The following PPIP5K2 variants were observed in gnomAD, a reference collection of about 807,000 sequenced individuals.
The protein encoded by PPIP5K2 is inositol hexakisphosphate and diphosphoinositol-pentakisphosphate kinase 2.
PPIP5K2 carries 105 observed loss-of-function variants against 154.6 expected under a neutral mutation model. The observed-to-expected ratio is 0.68, with a 90% CI of 0.58 to 0.80. The LOEUF (loss-of-function observed/expected upper bound fraction) is 0.80. Ranked by LOEUF, PPIP5K2 falls within the 30% of genes least tolerant of loss-of-function variation. The pLI is 0.00. For synonymous variants in PPIP5K2, 480 were observed against 490.3 expected (o/e 0.98, Z 0.28); for missense variants, 992 against 1,504.6 (o/e 0.66, Z 5.64).
chr5:103,188,926 A>G, intron 28 of PPIP5K2: 1 of 374,926 alleles, frequency 2.7e-6, no homozygotes, highest in Non-Finnish European at 4.7e-6. Flanking sequence ...TCTATTCTAC[A>G]AATATTTCTT....
At chr5:103,136,966 C>T (rs934974223) in intron 4 of PPIP5K2, 144 bp downstream of exon 4, 21 of 651,956 alleles carry the variant, frequency 3.2e-5, no homozygotes, top group South Asian at 3.9e-5. Context: ...TATTTATTAC[C>T]TAATTTTACA....
chr5:103,200,649 C>A (rs1239524483), intron 30 of PPIP5K2, among the ~76,000 whole-genome samples: 1 of 144,104 alleles, frequency 6.9e-6, no homozygotes, highest in Non-Finnish European at 1.5e-5. Flanking sequence ...TTTATTTATT[C>A]TTTTGAGACA....
chr5:103,180,283 G>A, intron 24 of PPIP5K2, 95 bp downstream of exon 24: 10 of 1,024,584 alleles, frequency 9.8e-6, no homozygotes, highest in South Asian at 5.0e-5. Context: ...GTGGAGCTTG[G>A]GAAACCAACA....
chr5:103,154,786 G>A, intron 12 of PPIP5K2, 41 bp downstream of exon 12: 1 of 1,551,236 alleles, frequency 6.4e-7, no homozygotes, highest in Non-Finnish European at 8.7e-7. Flanking sequence ...AAATTTTTTA[G>A]TGGTGAAATT....
chr5:103,189,068 A>G, intron 28 of PPIP5K2: 1 of 844,668 alleles, frequency 1.2e-6, no homozygotes, highest in Admixed American at 2.6e-5. Context: ...TTTAACACAT[A>G]TCATGGACTT....
chr5:103,180,105 T>A lies in PPIP5K2; in HGVS notation c.2839T>A (p.Leu947Met). 1 of 1,605,638 alleles carries A rather than the reference T, an allele frequency of 6.2e-7. No individual in the cohort carries two copies. The highest frequency in any genetic ancestry group is 8.5e-7 in the Non-Finnish European group (1 of 1,176,696). The change falls in exon 24 of 31, where the codon TTG becomes ATG. Residue 947 changes from leucine to methionine, a missense_variant. By Grantham distance (15) the Leu-to-Met change is conservative. This residue lies in a region of PPIP5K2 where 204 missense variants were observed against 224.0 expected (regional missense o/e 0.91). Coordinates refer to ENST00000358359, the MANE Select transcript of PPIP5K2 (RefSeq NM_001276277.3). The part of the protein sequence containing the change: ...KRDEVDRAVI[L>M]FKPMVSEPIH... ...AGATGAAGTTGATCGAGCTGTGATA[T>A]TGTTTAAACCAATGGTATCAGAGCC...
intron 7 of PPIP5K2, 147 bp downstream of exon 7, chr5:103,148,179 A>G: frequency 2.8e-6 from 2 of 705,664 alleles, no homozygotes; most frequent in East Asian, 2.8e-5. Context: ...TAACAACAAC[A>G]TCTTTAGCAG....
At chr5:103,194,693 C>T in intron 29 of PPIP5K2, 1 of 448,250 alleles carries the variant, frequency 2.2e-6, no homozygotes, top group Non-Finnish European at 4.0e-6. Flanking sequence ...TTATCATTTA[C>T]AGTATAAACA....
chr5:103,138,470 G>A lies in PPIP5K2; in HGVS notation c.487+1G>A, dbSNP rs782095362. 1.3e-6 allele frequency: 2 copies of A among 1,580,328 alleles called. No homozygotes were observed. Among genetic ancestry groups the A allele is most frequent in the Non-Finnish European group, 8.7e-7 (1 of 1,154,736 alleles). On this transcript the variant is annotated splice_donor_variant, in intron 5 of 30. Coordinates refer to ENST00000358359, the MANE Select transcript of PPIP5K2 (RefSeq NM_001276277.3). LOFTEE classifies it high-confidence loss of function. The stretch of plus-strand genomic sequence containing the variant: ...AACCGTGACCCAAATAATCCCAAAG[G>A]TAAGAGTAAGAGATTTTAGGTAAGC...
intron 3 of PPIP5K2, among the ~76,000 whole-genome samples, chr5:103,135,525 G>A (rs1791328717): frequency 6.6e-6 from 1 of 151,996 alleles, no homozygotes; most frequent in South Asian, 2.1e-4. Context: ...TCAAACTCTT[G>A]GGCTCAAGTG....
chr5:103,201,579 T>C lies in PPIP5K2; in HGVS notation c.3677T>C (p.Ile1226Thr), dbSNP rs782701828. Residue 1226 changes from isoleucine to threonine, a missense_variant, in exon 31 of 31, where the codon ATA becomes ACA. Physicochemically the swap from Ile to Thr is moderately conservative, Grantham distance 89 (BLOSUM62 -1). Coordinates refer to ENST00000358359, the MANE Select transcript of PPIP5K2 (RefSeq NM_001276277.3). ...AATACCTCATCTCGGAAAAAGAATATAACTAGCAAAACAGAAACGCATGAA... is the reference window on the plus strand; with the variant it reads ...AATACCTCATCTCGGAAAAAGAATACAACTAGCAAAACAGAAACGCATGAA... ...VPNTSSRKKN[I>T]TSKTETHEHK... is the part of the protein sequence containing the mutation. 10 of 1,611,128 alleles carry C rather than the reference T, an allele frequency of 6.2e-6. No homozygotes were observed. The Admixed American group carries it at 1.3e-4, about 22-fold the overall frequency.
chr5:103,132,696 A>G (rs1356104948), intron 2 of PPIP5K2, among the ~76,000 whole-genome samples: 3 of 152,206 alleles, frequency 2.0e-5, no homozygotes, highest in Non-Finnish European at 2.9e-5. Flanking sequence ...TTGAAATGAG[A>G]ACCTCAACAC....
At chr5:103,169,200 T>C (rs1270162987) in intron 19 of PPIP5K2, among the ~76,000 whole-genome samples, 1 of 151,748 alleles carries the variant, frequency 6.6e-6, no homozygotes, top group Non-Finnish European at 1.5e-5. Context: ...CATATTGAGA[T>C]CAGGACTATG....
At chr5:103,158,938 A>G (rs185653809) in intron 16 of PPIP5K2, among the ~76,000 whole-genome samples, 8 of 152,084 alleles carry the variant, frequency 5.3e-5, no homozygotes, top group Non-Finnish European at 1.0e-4. Flanking sequence ...TCAAAAAAAA[A>G]CCAAAATTTT....
intron 27 of PPIP5K2, among the ~76,000 whole-genome samples, 199 bp from the exon 28 acceptor site, chr5:103,187,115 A>T (rs1800510156): frequency 6.6e-6 from 1 of 152,092 alleles, no homozygotes; most frequent in African/African-American, 2.4e-5. Flanking sequence ...TTTCTTTTGT[A>T]TATTTCATTT....
chr5:103,191,771 A>T (rs539858869), intron 29 of PPIP5K2, among the ~76,000 whole-genome samples: 1 of 152,218 alleles, frequency 6.6e-6, no homozygotes, highest in South Asian at 2.1e-4. Context: ...TCAGCTCTAT[A>T]GGATTCCTCA....
In PPIP5K2 at chr5:103,138,364, A is replaced by G. The variant is rs1791941153; in HGVS notation, c.402-20A>G. On this transcript the variant is annotated intron_variant, in intron 4 of 30. Transcript: ENST00000358359. ...GAAATGGAGCAATAAAACAATAAGG[A>G]TGTTTCCCTTTTTCTTCAGGAGAGA... 1.4e-6 allele frequency: 2 copies of G among 1,383,916 alleles called. No homozygotes were observed. Among genetic ancestry groups the G allele is most frequent in the Non-Finnish European group, 2.0e-6 (2 of 994,426 alleles). 85.7% of individuals were successfully genotyped at this position (1,383,916 alleles called of 1,614,324 possible).
At chr5:103,167,475 C>T (rs1490845498) in intron 18 of PPIP5K2, among the ~76,000 whole-genome samples, 155 bp downstream of exon 18, 2 of 151,848 alleles carry the variant, frequency 1.3e-5, no homozygotes, top group Non-Finnish European at 2.9e-5. Context: ...AAAATAATGG[C>T]TAAGTTATAG....
At chr5:103,139,938 A>G (rs1792266450) in intron 5 of PPIP5K2, among the ~76,000 whole-genome samples, 1 of 152,220 alleles carries the variant, frequency 6.6e-6, no homozygotes, top group South Asian at 2.1e-4. Flanking sequence ...TAGAAGAATT[A>G]GTGAGCTTGA....
Sources: allele counts gnomAD v4.1 joint callset (sites outside exome capture counted in the v4.1 genomes callset), GRCh38; gene constraint gnomAD v4.1.1; regional missense constraint gnomAD v4.1.1; transcripts MANE v1.5; gene names NCBI Gene and HGNC (gene_info 2026-07-23, HGNC 2026-07-21).